Variants in GC observed in about 807,000 individuals in gnomAD.
The protein encoded by GC is GC vitamin D binding protein, also known as vitamin D-binding protein.
A neutral mutation model predicts 56.7 loss-of-function variants in GC; 43 were observed. The ratio of observed to expected loss-of-function variants is 0.76; its 90% CI spans 0.59 to 0.98. GC has a LOEUF of 0.98. Ranked by LOEUF, GC falls within the 50% of genes least tolerant of loss-of-function variation. The pLI is 0.00. For missense variants in GC, 529 were observed against 545.9 expected (o/e 0.97, Z 0.31); for synonymous variants, 216 against 202.7 (o/e 1.07, Z -0.56).
chr4:71,746,833 G>T (rs1392330483), intron 11 of GC, among the ~76,000 whole-genome samples: 1 of 144,886 alleles, frequency 6.9e-6, no homozygotes, highest in Non-Finnish European at 1.5e-5. Context: ...TATTAGAGAA[G>T]AGTATTAACC....
At chr4:71,792,856 T>G (rs905031852) in intron 1 of GC, among the ~76,000 whole-genome samples, 5 of 152,206 alleles carry the variant, frequency 3.3e-5, no homozygotes, top group Admixed American at 3.3e-4. Context: ...AAGGAAGGGA[T>G]CCAGTTTCAG....
chr4:71,768,493 G>C (rs964745014), intron 2 of GC, 60 bp from the exon 3 acceptor site: 1 of 1,458,726 alleles, frequency 6.9e-7, no homozygotes, highest in Non-Finnish European at 9.4e-7. Flanking sequence ...TTTTGAGACG[G>C]AGTCTCGCTC....
At chr4:71,803,765 G>C (rs1441033135) in intron 1 of GC, among the ~76,000 whole-genome samples, 2 of 152,152 alleles carry the variant, frequency 1.3e-5, no homozygotes, top group African/African-American at 2.4e-5. Flanking sequence ...AATATTCCTT[G>C]ACAATCGAGA....
intron 1 of GC, among the ~76,000 whole-genome samples, chr4:71,770,814 G>A (rs557325967): frequency 1.3e-5 from 2 of 152,250 alleles, no homozygotes; most frequent in Admixed American, 6.5e-5. Flanking sequence ...ACTATTAAAT[G>A]TAACTAGCCA....
intron 12 of GC, among the ~76,000 whole-genome samples, chr4:71,744,414 G>A (rs1205052215): frequency 7.2e-6 from 1 of 138,152 alleles, no homozygotes; most frequent in Non-Finnish European, 1.5e-5. Context: ...AGCCGAGATC[G>A]CGCCACTGCA....
chr4:71,803,959 G>T (rs1229819861), exon 1 of GC: 1 of 1,487,744 alleles, frequency 6.7e-7, no homozygotes, highest in African/African-American at 1.4e-5. Context: ...CCTACCAGTT[G>T]GACTAGTCCA....
At chr4:71,791,736 A>G (rs1000138805) in intron 1 of GC, among the ~76,000 whole-genome samples, 9 of 151,624 alleles carry the variant, frequency 5.9e-5, no homozygotes, top group Non-Finnish European at 1.2e-4. Flanking sequence ...TTACATAGGT[A>G]TATGTGTGCC....
At chr4:71,753,816 G>A (rs555975414) in intron 10 of GC, among the ~76,000 whole-genome samples, 43 of 152,302 alleles carry the variant, frequency 2.8e-4, no homozygotes, top group Non-Finnish European at 5.6e-4. Context: ...CATGAAGTTA[G>A]ATAACATTTT....
intron 4 of GC, among the ~76,000 whole-genome samples, chr4:71,764,677 A>T (rs1395374983): frequency 6.6e-6 from 1 of 152,176 alleles, no homozygotes; most frequent in Non-Finnish European, 1.5e-5. Context: ...CTGGGAATAG[A>T]TGTCCTTATG....
In GC at chr4:71,795,969, A is replaced by C. The variant is rs113121704; in HGVS notation, c.21+7957T>G. On this transcript the variant is annotated intron_variant, in intron 1 of 13. Coordinates refer to the GC transcript ENST00000504199. ...GGGTTGACAATTCTTTTCTTTAAGA[A>C]TTTTGAATATTGGCCCCCACTCTTT... Among the ~76,000 whole-genome samples the C allele has an allele frequency of 1.7e-4, 26 of 152,346 alleles. 2 individuals are homozygous for C. Among genetic ancestry groups the C allele is most frequent in the African/African-American group, 6.3e-4 (26 of 41,582 alleles).
chr4:71,796,476 C>T (rs558534145), intron 1 of GC, among the ~76,000 whole-genome samples: 11 of 152,298 alleles, frequency 7.2e-5, no homozygotes, highest in South Asian at 2.1e-4. Flanking sequence ...CTTGTAGATG[C>T]GTCACAAAGT....
At chr4:71,746,320 C>A (rs1024583295) in intron 11 of GC, 115 bp from the exon 12 acceptor site, 3 of 567,812 alleles carry the variant, frequency 5.3e-6, no homozygotes, top group Non-Finnish European at 3.2e-6. Flanking sequence ...CGGATTCTTG[C>A]CAAGATGCAA....
rs1240927370 is a variant in GC at position 71,764,332 on chromosome 4, AC to A, written c.474-397del. 1.9e-4 allele frequency among the ~76,000 whole-genome samples: 29 copies of A among 152,316 alleles called. 1 individual carries two copies. The highest frequency in any genetic ancestry group is 1.6e-3 in the Admixed American group (25 of 15,286). On this transcript the variant is annotated intron_variant, in intron 4 of 12. Transcript: ENST00000273951. ...TTTTGATGGACAAAGGATATATGTT[AC>A]ATTAATTTATAGTTTTAATATCTAA...
upstream of GC, chr4:71,784,260 GA>G: frequency 8.4e-7 from 1 of 1,196,246 alleles, no homozygotes; most frequent in East Asian, 3.8e-5. Flanking sequence ...TACTGTAGTG[GA>G]AAATCTAGGA....
At chr4:71,804,508 T>C (rs1743319303), upstream of GC, among the ~76,000 whole-genome samples, 1 of 152,050 alleles carries the variant, frequency 6.6e-6, no homozygotes, top group South Asian at 2.1e-4. Context: ...TTGATTCTGG[T>C]TGGCTTGTTG....
chr4:71,793,454 TCTGTTTATTA>T (rs1461048236), intron 1 of GC, among the ~76,000 whole-genome samples: 1 of 152,214 alleles, frequency 6.6e-6, no homozygotes, highest in East Asian at 1.9e-4. Flanking sequence ...GATTTGGCTC[TCTGTTTATTA>T]CTGGTGTATA....
chr4:71,779,969 G>T (rs1742622189), intron 1 of GC, among the ~76,000 whole-genome samples: 1 of 151,836 alleles, frequency 6.6e-6, no homozygotes, highest in African/African-American at 2.4e-5. Context: ...TGAATGAAAT[G>T]CTTAAAGCAA....
intron 5 of GC, 118 bp from the exon 6 acceptor site, chr4:71,763,620 G>T (rs1356163907): frequency 2.6e-6 from 2 of 760,704 alleles, no homozygotes; most frequent in Non-Finnish European, 4.4e-6. Context: ...ACTGAACACT[G>T]GTGAAAGGAA....
chr4:71,760,281 T>C (rs1458403631), intron 6 of GC, among the ~76,000 whole-genome samples: 3 of 151,834 alleles, frequency 2.0e-5, no homozygotes, highest in Admixed American at 2.0e-4. Context: ...CTCGATCTCC[T>C]GACCTTGTGA....
Sources: allele counts gnomAD v4.1 joint callset (sites outside exome capture counted in the v4.1 genomes callset), GRCh38; gene constraint gnomAD v4.1.1; transcripts MANE v1.5; gene names NCBI Gene and HGNC (gene_info 2026-07-23, HGNC 2026-07-21).